PRKN: variants seen among roughly 807,000 people sequenced by gnomAD.
PRKN encodes parkin RBR E3 ubiquitin protein ligase.
Under a neutral mutation model 59.5 loss-of-function variants are expected in PRKN, and 56 were observed. That is an observed-to-expected ratio of 0.94 (90% CI 0.76 to 1.18). PRKN has a LOEUF of 1.18. Ranked by LOEUF, PRKN falls within the 50% of genes most tolerant of loss-of-function variation. The pLI is 0.00. For synonymous variants in PRKN, 250 were observed against 222.1 expected (o/e 1.13, Z -1.12); for missense variants, 657 against 596.4 (o/e 1.10, Z -1.06).
chr6:162,384,227 T>G (rs1786660464), intron 2 of PRKN, among the ~76,000 whole-genome samples: 1 of 152,226 alleles, frequency 6.6e-6, no homozygotes, highest in African/African-American at 2.4e-5. Flanking sequence ...TGGACATGGC[T>G]TCCTCATTGA....
In PRKN at chr6:161,775,606, T is replaced by G. The variant is rs74754733; in HGVS notation, c.871+10166A>C. 7.7e-3 allele frequency among the ~76,000 whole-genome samples: 1,166 copies of G among 152,332 alleles called. 11 individuals carry two copies. The highest frequency in any genetic ancestry group is 0.023 in the African/African-American group (943 of 41,570). ...AATATGCGTGTTGGCCATTTGCATATATTCTTTTGTAACGCATCTTTTAAT... is the reference window on the plus strand; with the variant it reads ...AATATGCGTGTTGGCCATTTGCATAGATTCTTTTGTAACGCATCTTTTAAT... On this transcript the variant is annotated intron_variant, in intron 7 of 11. Transcript: ENST00000366898.
rs72163881 is a variant in PRKN at position 161,879,341 on chromosome 6, C to CTTT, written c.735-93436_735-93434dup. ...TGTATGGTCATTATGACATTTCTGCCTTTTTTTTTTTTTTTTTTTTGAGAT... is the reference window on the plus strand; with the variant it reads ...TGTATGGTCATTATGACATTTCTGCCTTTTTTTTTTTTTTTTTTTTTTTGAGAT... On this transcript the variant is annotated intron_variant, in intron 6 of 11. Transcript: ENST00000366898. Among the ~76,000 whole-genome samples, 348 of 112,208 alleles carry CTTT rather than the reference C, an allele frequency of 3.1e-3. 15 individuals carry two copies. The highest frequency in any genetic ancestry group is 0.024 in the South Asian group (78 of 3,260). The allele number at this position is 112,208 out of a possible 152,430, so 73.6% of individuals were successfully genotyped here.
Position 161,546,442 on chromosome 6 carries a change from G to T in PRKN, c.1083+2412C>A, listed in dbSNP as rs148946854. Among the ~76,000 whole-genome samples, 77 of 152,214 alleles carry T rather than the reference G, an allele frequency of 5.1e-4. No homozygotes were observed. Among genetic ancestry groups the T allele is most frequent in the Admixed American group, 4.5e-3 (68 of 15,280 alleles). ...TGAAAGTTTGGGATTTGAAGACAAA[G>T]GGCAATGATGAAATCAATTTATCTC... On this transcript the variant is annotated intron_variant, in intron 9 of 11. Coordinates refer to ENST00000366898, the MANE Select transcript of PRKN (RefSeq NM_004562.3). This position sits in a 1 kb window ranked among gnomAD's most constrained non-coding sequence, Gnocchi z 4.4.
In PRKN at chr6:162,160,866, G is replaced by A. The variant is rs1308901666; in HGVS notation, c.534+40265C>T. ...AGATCGCGCCACTGTACTCCAGCCTGGGCAACACAGAGAGACTCCGTCTCA... is the reference window on the plus strand; with the variant it reads ...AGATCGCGCCACTGTACTCCAGCCTAGGCAACACAGAGAGACTCCGTCTCA... On this transcript the variant is annotated intron_variant, in intron 4 of 11. Coordinates refer to ENST00000366898, the MANE Select transcript of PRKN (RefSeq NM_004562.3). Among the ~76,000 whole-genome samples the A allele has an allele frequency of 3.3e-5, 4 of 122,810 alleles. No homozygotes were observed. In the East Asian group the frequency reaches 9.1e-4, roughly 28 times the overall value. The allele number at this position is 122,810 out of a possible 152,430, so 80.6% of individuals were successfully genotyped here. A position where few individuals can be genotyped will look rare whatever the true frequency, so the allele number is the denominator to read the frequency against.
intron 5 of PRKN, among the ~76,000 whole-genome samples, chr6:162,005,195 C>T (rs1477029921): frequency 6.6e-6 from 1 of 152,144 alleles, no homozygotes; most frequent in Middle Eastern, 3.2e-3. Context: ...CAAGCATGTG[C>T]TTCTTCCAGG....
At chr6:161,769,604 G>A (rs1036392201) in intron 7 of PRKN, among the ~76,000 whole-genome samples, 1 of 152,158 alleles carries the variant, frequency 6.6e-6, no homozygotes, top group African/African-American at 2.4e-5. Flanking sequence ...AGACTCCCTC[G>A]AAGGTATATA....
At chr6:162,681,445 C>T (rs1779764738) in intron 1 of PRKN, among the ~76,000 whole-genome samples, 1 of 152,166 alleles carries the variant, frequency 6.6e-6, no homozygotes, top group Middle Eastern at 3.4e-3. Flanking sequence ...AAAGGAAAAC[C>T]CTAACTTTCC....
chr6:162,457,298 A>G (rs1790925100), intron 1 of PRKN, among the ~76,000 whole-genome samples: 1 of 152,192 alleles, frequency 6.6e-6, no homozygotes, highest in East Asian at 1.9e-4. Flanking sequence ...CAAATTTCAG[A>G]CTATTAAAAA....
At chr6:162,264,695 C>A (rs1294777075) in intron 2 of PRKN, 1 of 152,320 alleles carries the variant, frequency 6.6e-6, no homozygotes, top group African/African-American at 2.4e-5. Context: ...GCAGAGGCCA[C>A]TGTGCATCAT....
At chr6:161,795,396 C>A (rs1790805060) in intron 6 of PRKN, among the ~76,000 whole-genome samples, 2 of 151,690 alleles carry the variant, frequency 1.3e-5, no homozygotes, top group South Asian at 4.2e-4. Context: ...CCATGCCTGG[C>A]TAATCTTTCC....
intron 1 of PRKN, among the ~76,000 whole-genome samples, chr6:162,682,830 T>C (rs1169162123): frequency 6.6e-6 from 1 of 152,136 alleles, no homozygotes; most frequent in Non-Finnish European, 1.5e-5. Flanking sequence ...TGGTAGATTC[T>C]ATTAATTTGG....
At chr6:162,087,699 T>C (rs1270529116) in intron 4 of PRKN, among the ~76,000 whole-genome samples, 2 of 142,822 alleles carry the variant, frequency 1.4e-5, no homozygotes, top group African/African-American at 5.2e-5. Flanking sequence ...GTTCAAGCAA[T>C]TCTCCTGCCT....
chr6:161,424,513 G>A (rs1264334482), intron 9 of PRKN, among the ~76,000 whole-genome samples: 1 of 152,072 alleles, frequency 6.6e-6, no homozygotes, highest in Non-Finnish European at 1.5e-5. Context: ...TCCCAAGTTA[G>A]GGCTTAGCTG....
intron 1 of PRKN, among the ~76,000 whole-genome samples, chr6:162,528,986 T>C (rs2128195822): frequency 6.6e-6 from 1 of 152,270 alleles, no homozygotes; most frequent in East Asian, 1.9e-4. Context: ...CAAGCAATTC[T>C]AGTGCCTTAG....
chr6:162,030,306 C>G (rs1246749344), intron 5 of PRKN, among the ~76,000 whole-genome samples: 2 of 152,202 alleles, frequency 1.3e-5, no homozygotes, highest in Admixed American at 1.3e-4. Flanking sequence ...CTGCCCATCT[C>G]CACTGATGAA....
intron 2 of PRKN, among the ~76,000 whole-genome samples, chr6:162,384,504 G>A (rs73015608): frequency 0.078 from 11,878 of 152,094 alleles, 516 homozygotes; most frequent in South Asian, 0.12. Flanking sequence ...ACCGCTCACA[G>A]ATCACCAAAG....
At chr6:162,181,056 C>T (rs9365381) in intron 4 of PRKN, among the ~76,000 whole-genome samples, 134,856 of 152,242 alleles carry the variant, frequency 0.89, 60,801 homozygotes, top group Non-Finnish European at 0.98. Context: ...CTTTACACCA[C>T]GTTTCATTCA....
intron 9 of PRKN, among the ~76,000 whole-genome samples, chr6:161,449,732 GAC>G (rs1789644364): frequency 1.3e-5 from 2 of 152,108 alleles, no homozygotes; most frequent in Non-Finnish European, 2.9e-5. Flanking sequence ...CTGAGTCAGC[GAC>G]AGTGAGGCAC....
chr6:161,379,560 A>T lies in PRKN; in HGVS notation c.1167+7234T>A, dbSNP rs62435883. 0.07 allele frequency among the ~76,000 whole-genome samples: 10,729 copies of T among 152,232 alleles called. 439 individuals carry two copies. The highest frequency in any genetic ancestry group is 0.08 in the Non-Finnish European group (5,469 of 68,002). ...GCTGCTGGGTATGTCCGCAGCAGAC[A>T]GCTCTCTGCCAAGTCTCTACCCGGG... is the stretch of plus-strand genomic sequence containing the variant. On this transcript the variant is annotated intron_variant, in intron 10 of 11. Coordinates refer to ENST00000366898, the MANE Select transcript of PRKN (RefSeq NM_004562.3). The surrounding 1 kb of genome is among the most constrained non-coding windows in gnomAD (Gnocchi z 4.9).
Sources: gnomAD v4.1 joint callset for allele counts (sites outside exome capture counted in the v4.1 genomes callset) on GRCh38, gnomAD v4.1.1 for gene constraint, Gnocchi (gnomAD v3.1) non-coding constraint, MANE v1.5 for transcripts, NCBI Gene and HGNC (gene_info 2026-07-23, HGNC 2026-07-21) for gene names.